ZMYND11: variants seen among roughly 807,000 people sequenced by gnomAD.
The protein encoded by ZMYND11 is zinc finger MYND-type containing 11, also known as zinc finger MYND domain-containing protein 11.
In ZMYND11, 9 loss-of-function variants were observed where a neutral mutation model predicts 84.9. That is an observed-to-expected ratio of 0.11 (90% CI 0.06 to 0.18). ZMYND11 has a LOEUF of 0.18. Ranked by LOEUF, ZMYND11 falls within the 10% of genes least tolerant of loss-of-function variation. The probability of loss-of-function intolerance (pLI) is 1.00; values close to 1 mark genes in which losing one functional copy is unlikely to be tolerated. For missense variants in ZMYND11, 409 were observed against 761.0 expected (o/e 0.54, Z 5.44); for synonymous variants, 250 against 244.1 (o/e 1.02, Z -0.23).
chr10:182,654 AT>A (rs1377130398), intron 2 of ZMYND11, among the ~76,000 whole-genome samples: 2 of 152,202 alleles, frequency 1.3e-5, no homozygotes, highest in African/African-American at 4.8e-5. Flanking sequence ...CATAACATTA[AT>A]CACATTTGTC....
At chr10:150,481 C>T (rs982595487) in intron 1 of ZMYND11, among the ~76,000 whole-genome samples, 10 of 152,078 alleles carry the variant, frequency 6.6e-5, no homozygotes, top group East Asian at 1.9e-4. Flanking sequence ...TTTTTAATTG[C>T]GTCTATTTGA....
chr10:248,185 G>T (rs1002502525), intron 12 of ZMYND11, 151 bp from the exon 13 acceptor site: 1 of 891,562 alleles, frequency 1.1e-6, no homozygotes, highest in Non-Finnish European at 1.7e-6. Context: ...CAAAATATAC[G>T]TGACATCTAC....
chr10:160,724 A>G (rs1409738703), intron 1 of ZMYND11, among the ~76,000 whole-genome samples: 1 of 152,158 alleles, frequency 6.6e-6, no homozygotes, highest in Admixed American at 6.5e-5. Context: ...TCAAGAAACT[A>G]CTTTCTTTGC....
upstream of ZMYND11, chr10:134,579 C>G (rs535096365): frequency 6.6e-6 from 1 of 152,348 alleles, no homozygotes; most frequent in African/African-American, 2.4e-5. Context: ...CCCTACCGCT[C>G]TTTTTGATGA....
At chr10:185,364 A>T (rs572674704) in intron 2 of ZMYND11, among the ~76,000 whole-genome samples, 2 of 151,624 alleles carry the variant, frequency 1.3e-5, no homozygotes, top group African/African-American at 4.9e-5. Flanking sequence ...TGTACTGTGT[A>T]TGTTGTCCAA....
At chr10:146,413 C>T (rs951791784) in intron 1 of ZMYND11, among the ~76,000 whole-genome samples, 3 of 152,020 alleles carry the variant, frequency 2.0e-5, no homozygotes, top group Non-Finnish European at 2.9e-5. Context: ...AAGCGATGTT[C>T]GTATTTTGAT....
chr10:248,800 GA>G (rs1012546749), intron 13 of ZMYND11, 102 bp from the exon 14 acceptor site: 14 of 1,455,592 alleles, frequency 9.6e-6, no homozygotes, highest in South Asian at 1.4e-5. Flanking sequence ...TAATGAAGGG[GA>G]AAAAAGGTAC....
At chr10:158,996 T>TTTG (rs1842370115) in intron 1 of ZMYND11, among the ~76,000 whole-genome samples, 2 of 147,042 alleles carry the variant, frequency 1.4e-5, no homozygotes, top group South Asian at 4.3e-4. Context: ...TTTTTGTTTT[T>TTTG]TTTTTTTTTT....
chr10:194,429 G>C (rs1446974456), intron 2 of ZMYND11, among the ~76,000 whole-genome samples: 3 of 152,148 alleles, frequency 2.0e-5, no homozygotes, highest in Non-Finnish European at 2.9e-5. Context: ...CATACGTTTT[G>C]AGAACTACCT....
At chr10:188,819 C>G (rs1939503882) in intron 2 of ZMYND11, among the ~76,000 whole-genome samples, 1 of 152,226 alleles carries the variant, frequency 6.6e-6, no homozygotes. Context: ...TAAAGACATA[C>G]TGTTGAAATA....
intron 1 of ZMYND11, among the ~76,000 whole-genome samples, chr10:152,785 AT>A (rs1840715100): frequency 6.6e-6 from 1 of 152,238 alleles, no homozygotes; most frequent in Non-Finnish European, 1.5e-5. Context: ...CGTTGCACTT[AT>A]TCCAAAATTG....
At chr10:191,614 C>T (rs1588817061) in intron 2 of ZMYND11, among the ~76,000 whole-genome samples, 2 of 152,286 alleles carry the variant, frequency 1.3e-5, no homozygotes, top group African/African-American at 2.4e-5. Context: ...GTGTATTGCT[C>T]TTTGTTCCAT....
chr10:190,212 G>T (rs1251973823), intron 2 of ZMYND11, among the ~76,000 whole-genome samples: 1 of 152,052 alleles, frequency 6.6e-6, no homozygotes, highest in East Asian at 1.9e-4. Flanking sequence ...TGACTTTCTT[G>T]CCTGTTTTTC....
At chr10:249,399 G>T in intron 14 of ZMYND11, 1 of 1,090,520 alleles carries the variant, frequency 9.2e-7, no homozygotes, top group Non-Finnish European at 1.1e-6. Flanking sequence ...CAAAGTGGCT[G>T]GCCCTGACTT....
upstream of ZMYND11, among the ~76,000 whole-genome samples, chr10:130,750 T>C (rs1338531045): frequency 6.6e-6 from 1 of 152,126 alleles, no homozygotes; most frequent in Admixed American, 6.5e-5. Flanking sequence ...AAAGGTGAAA[T>C]CACTTGAATG....
chr10:198,491 A>G (rs1026331727), intron 2 of ZMYND11, among the ~76,000 whole-genome samples: 4 of 152,240 alleles, frequency 2.6e-5, no homozygotes, highest in Non-Finnish European at 5.9e-5. Flanking sequence ...TATATTCAGC[A>G]AATACTGTAA....
chr10:211,627 TA>T (rs1945255519), intron 3 of ZMYND11, among the ~76,000 whole-genome samples: 1 of 152,226 alleles, frequency 6.6e-6, no homozygotes. Flanking sequence ...TTTGTCAATT[TA>T]ATCTGCACCT....
At chr10:187,399 C>G (rs1938930747) in intron 2 of ZMYND11, among the ~76,000 whole-genome samples, 1 of 152,166 alleles carries the variant, frequency 6.6e-6, no homozygotes, top group South Asian at 2.1e-4. Context: ...CTTTGGGAGG[C>G]CGAGGCGGGC....
chr10:140,422 A>G (rs1554753704), intron 1 of ZMYND11, among the ~76,000 whole-genome samples: 2 of 152,220 alleles, frequency 1.3e-5, no homozygotes, highest in Non-Finnish European at 1.5e-5. Context: ...AGTTTGTATC[A>G]TGGAAATGCT....
Sources: gnomAD v4.1 joint callset for allele counts (sites outside exome capture counted in the v4.1 genomes callset) on GRCh38, gnomAD v4.1.1 for gene constraint, MANE v1.5 for transcripts, NCBI Gene and HGNC (gene_info 2026-07-23, HGNC 2026-07-21) for gene names.